The following PSMD14 variants were observed in gnomAD, a reference collection of about 807,000 sequenced individuals.
PSMD14 encodes proteasome 26S subunit, non-ATPase 14.
Under a neutral mutation model 41.2 loss-of-function variants are expected in PSMD14, and 7 were observed. The ratio of observed to expected loss-of-function variants is 0.17; its 90% confidence interval spans 0.10 to 0.32. The LOEUF is 0.32. PSMD14 is among the 10% of genes least tolerant of loss of function. PSMD14 has a pLI of 1.00. For missense variants in PSMD14, 139 were observed against 375.6 expected, an observed-to-expected ratio of 0.37 and a Z score of 5.21; for synonymous variants, 114 against 122.3, an observed-to-expected ratio of 0.93 and a Z score of 0.45.
intron 9 of PSMD14, among the ~76,000 whole-genome samples, 196 bp downstream of exon 9, chr2:161,391,374 G>C (rs1683709715): frequency 6.6e-6 from 1 of 152,112 alleles, no homozygotes; most frequent in African/African-American, 2.4e-5. Context: ...CACCTTATTG[G>C]TAGGTGCTGA....
intron 7 of PSMD14, 25 bp from the exon 8 acceptor site, chr2:161,385,439 T>C (rs775720562): frequency 6.1e-6 from 9 of 1,471,930 alleles, no homozygotes; most frequent in Non-Finnish European, 8.4e-6. Context: ...TAAAAAAAAA[T>C]TGACTTGACA....
intron 3 of PSMD14, among the ~76,000 whole-genome samples, chr2:161,359,282 C>T (rs1683256441): frequency 6.6e-6 from 1 of 152,110 alleles, no homozygotes; most frequent in Non-Finnish European, 1.5e-5. Flanking sequence ...CTACTCAGTT[C>T]TTTAAAATAC....
chr2:161,344,549 A>G (rs766067815), intron 3 of PSMD14, among the ~76,000 whole-genome samples: 32 of 152,230 alleles, frequency 2.1e-4, no homozygotes, highest in African/African-American at 3.4e-4. Context: ...AGAAAGTGTC[A>G]TATTGTTTTT....
rs1272187753 is a variant in PSMD14 at position 161,408,834 on chromosome 2, C to T, written c.772-3C>T. On this transcript the variant is annotated splice_region_variant and splice_polypyrimidine_tract_variant and intron_variant, in intron 10 of 11. Transcript: ENST00000409682. ...AACTCTGTCCTTTGTGTTTCATTCA[C>T]AGGCTGTAGAAGAAGAAGATAAGAT... is the stretch of plus-strand genomic sequence containing the variant. The T allele has an allele frequency of 6.9e-6, 11 of 1,598,894 alleles. No individual in the cohort carries two copies. The East Asian group carries it at 2.2e-4, about 33-fold the overall frequency.
intron 8 of PSMD14, among the ~76,000 whole-genome samples, chr2:161,386,790 G>T (rs1446323325): frequency 6.6e-6 from 1 of 151,878 alleles, no homozygotes; most frequent in Non-Finnish European, 1.5e-5. Context: ...CAAGATCATT[G>T]TGATTACTAC....
chr2:161,373,445 GATTGTA>G, intron 7 of PSMD14, among the ~76,000 whole-genome samples: 1 of 151,938 alleles, frequency 6.6e-6, no homozygotes, highest in East Asian at 1.9e-4. Flanking sequence ...GTCAGAGTTT[GATTGTA>G]ATTTATGGTT....
chr2:161,391,232 A>C, intron 9 of PSMD14, 54 bp downstream of exon 9: 1 of 1,448,226 alleles, frequency 6.9e-7, no homozygotes, highest in Non-Finnish European at 9.2e-7. Context: ...CAAACCATTT[A>C]AACTATTACC....
chr2:161,371,130 A>G, intron 6 of PSMD14, 42 bp from the exon 7 acceptor site: 1 of 1,587,048 alleles, frequency 6.3e-7, no homozygotes, highest in East Asian at 2.2e-5. Context: ...TAAATGTATT[A>G]CTTGTTCTGT....
At chr2:161,334,231 G>T (rs1682835702) in intron 3 of PSMD14, among the ~76,000 whole-genome samples, 1 of 151,222 alleles carries the variant, frequency 6.6e-6, no homozygotes, top group Non-Finnish European at 1.5e-5. Context: ...AACTACTCAG[G>T]AGGCTGAGGC....
At chr2:161,310,773 G>C (rs1689078506) in intron 1 of PSMD14, among the ~76,000 whole-genome samples, 1 of 152,194 alleles carries the variant, frequency 6.6e-6, no homozygotes, top group African/African-American at 2.4e-5. Context: ...ATAGTGAGTA[G>C]GTGGTGACGC....
intron 3 of PSMD14, among the ~76,000 whole-genome samples, chr2:161,328,129 G>A (rs957422971): frequency 6.6e-6 from 1 of 152,036 alleles, no homozygotes; most frequent in Non-Finnish European, 1.5e-5. Context: ...TAGTAAAGTT[G>A]AAAATGACCA....
rs1018270258 is a variant in PSMD14, at chr2:161,341,228, C to T, written c.48+22355C>T. ...GGGGCGCGCGGGCAGGCTCCGGGCT[C>T]GCGGCCGCCCCACGCCGCACCAGTA... On this transcript the variant is annotated intron_variant, in intron 3 of 11. Coordinates refer to ENST00000409682, the MANE Select transcript of PSMD14 (RefSeq NM_005805.6). 4.2e-5 allele frequency: 41 copies of T among 979,924 alleles called. 1 individual carries two copies. The Middle Eastern group carries it at 2.6e-3, about 62-fold the overall frequency. The allele number at this position is 979,924 out of a possible 1,614,324, so 60.7% of individuals were successfully genotyped here.
chr2:161,370,002 T>TA, intron 5 of PSMD14, 105 bp from the exon 6 acceptor site: 1 of 701,642 alleles, frequency 1.4e-6, no homozygotes, highest in East Asian at 2.9e-5. Context: ...CAAATGTAGG[T>TA]ATCAAAACCT....
intron 8 of PSMD14, among the ~76,000 whole-genome samples, chr2:161,390,841 T>C (rs1683701310): frequency 6.6e-6 from 1 of 152,148 alleles, no homozygotes; most frequent in Non-Finnish European, 1.5e-5. Context: ...AAACCTTATC[T>C]CTGACTGAGC....
chr2:161,344,356 G>A (rs992151391), intron 3 of PSMD14, among the ~76,000 whole-genome samples: 1 of 152,204 alleles, frequency 6.6e-6, no homozygotes, highest in Non-Finnish European at 1.5e-5. Context: ...GCCTGGTTCT[G>A]TGTTGTAGAC....
At chr2:161,351,058 A>G (rs1238602151) in intron 3 of PSMD14, among the ~76,000 whole-genome samples, 1 of 152,252 alleles carries the variant, frequency 6.6e-6, no homozygotes, top group African/African-American at 2.4e-5. Context: ...AAAATGTGGA[A>G]TTTATTACTC....
intron 10 of PSMD14, among the ~76,000 whole-genome samples, chr2:161,400,379 A>C (rs1683859166): frequency 1.3e-5 from 2 of 152,086 alleles, no homozygotes; most frequent in African/African-American, 2.4e-5. Context: ...TCCTTTCAGG[A>C]TCCTTTCCAT....
chr2:161,370,270 G>C, intron 6 of PSMD14, 93 bp downstream of exon 6: 1 of 994,466 alleles, frequency 1.0e-6, no homozygotes, highest in Non-Finnish European at 1.4e-6. Context: ...GTCATTTCTA[G>C]AAAAAGTGGT....
intron 5 of PSMD14, among the ~76,000 whole-genome samples, chr2:161,368,964 T>A (rs188594758): frequency 2.6e-5 from 4 of 152,140 alleles, no homozygotes; most frequent in South Asian, 2.1e-4. Context: ...TTGGATCTAC[T>A]GATTTTATCC....
Sources: gnomAD v4.1 joint callset for allele counts (sites outside exome capture counted in the v4.1 genomes callset) on GRCh38, gnomAD v4.1.1 for gene constraint, MANE v1.5 for transcripts, NCBI Gene and HGNC (gene_info 2026-07-23, HGNC 2026-07-21) for gene names.